NLRP7: variants seen among roughly 807,000 people sequenced by gnomAD.
The protein encoded by NLRP7 is NACHT, LRR and PYD domains-containing protein 7.
A neutral mutation model predicts 85.5 loss-of-function variants in NLRP7; 72 were observed. The ratio of observed to expected loss-of-function variants is 0.84; its 90% confidence interval spans 0.70 to 1.02. NLRP7 has a LOEUF of 1.02. NLRP7 is among the 50% of genes least tolerant of loss of function. The pLI, the probability that NLRP7 is intolerant of heterozygous loss-of-function variation, is 0.00. For missense variants in NLRP7, 1,243 were observed against 1,219.5 expected (o/e 1.02, Z -0.29); for synonymous variants, 550 against 505.2 (o/e 1.09, Z -1.19).
chr19:54,952,352 G>A (rs190714536), upstream of NLRP7, among the ~76,000 whole-genome samples: 70 of 152,076 alleles, frequency 4.6e-4, no homozygotes, highest in African/African-American at 1.6e-3. Flanking sequence ...CAGCACTTTG[G>A]GAGGCCAAGG....
exon 4 of NLRP7, chr19:54,939,158 T>C: frequency 6.2e-7 from 1 of 1,614,210 alleles, no homozygotes; most frequent in Non-Finnish European, 8.5e-7. Context: ...AAGATGTGCT[T>C]TGCATTGCAG....
intron 1 of NLRP7, among the ~76,000 whole-genome samples, chr19:54,962,431 C>T (rs1305703167): frequency 6.6e-6 from 1 of 151,064 alleles, no homozygotes; most frequent in African/African-American, 2.4e-5. Flanking sequence ...CTACGCCTGG[C>T]TAATTTTTTG....
rs556175510 is a variant in NLRP7 at position 54,930,751 on chromosome 19, C to A, written c.2643-85G>T. 43 of 1,106,464 alleles carry A rather than the reference C, an allele frequency of 3.9e-5. No homozygotes were observed. In the African/African-American group the frequency reaches 6.3e-4, roughly 16 times the overall value. 68.5% of individuals were successfully genotyped at this position (1,106,464 alleles called of 1,614,324 possible). ...AGTTATTTCCAACACTATATACCTT[C>A]CACTTATATACTGGAATGCAGTGCT... On this transcript the variant is annotated intron_variant, in intron 8 of 9. Coordinates refer to ENST00000340844, the Ensembl canonical transcript of NLRP7.
intron 6 of NLRP7, among the ~76,000 whole-genome samples, chr19:54,936,041 G>A (rs982082861): frequency 6.6e-6 from 1 of 152,204 alleles, no homozygotes; most frequent in Admixed American, 6.6e-5. Flanking sequence ...ACCCAGCACA[G>A]AATTCGGGGT....
intron 5 of NLRP7, among the ~76,000 whole-genome samples, chr19:54,937,753 C>T (rs998543219): frequency 2.0e-5 from 3 of 151,656 alleles, no homozygotes; most frequent in African/African-American, 7.3e-5. Flanking sequence ...CAAAATTAGC[C>T]GGGCAAGGTG....
chr19:54,933,794 C>T, intron 7 of NLRP7, 55 bp from the exon 8 acceptor site: 1 of 1,477,522 alleles, frequency 6.8e-7, no homozygotes. Context: ...ACAACTCCAA[C>T]CTGCTCAGTG....
chr19:54,930,389 AAGACCGAAGCCG>A, intron 9 of NLRP7, 98 bp downstream of exon 9: 1 of 757,138 alleles, frequency 1.3e-6, no homozygotes, highest in Non-Finnish European at 2.3e-6. Context: ...TCAAGCCTGG[AAGACCGAAGCCG>A]CAGTGAGCCG....
chr19:54,953,451 ATGTC>A (rs1405946456), intron 1 of NLRP7: 3 of 152,054 alleles, frequency 2.0e-5, no homozygotes, highest in Non-Finnish European at 2.9e-5. Context: ...TTTCTATACA[ATGTC>A]TGTAATCTAT....
exon 2 of NLRP7, chr19:54,941,584 C>A: frequency 6.2e-7 from 1 of 1,613,906 alleles, no homozygotes. Flanking sequence ...CACCTCAGAC[C>A]ATGGGGTCTT....
chr19:54,937,076 G>A (rs1460109399), intron 5 of NLRP7, among the ~76,000 whole-genome samples: 1 of 151,064 alleles, frequency 6.6e-6, no homozygotes, highest in Non-Finnish European at 1.5e-5. Context: ...AAACTAGCCG[G>A]GCGTGGTGGC....
chr19:54,944,742 G>A (rs1333707620), intron 1 of NLRP7, among the ~76,000 whole-genome samples: 3 of 151,924 alleles, frequency 2.0e-5, no homozygotes, highest in Non-Finnish European at 4.4e-5. Context: ...AGACCAGCCT[G>A]GGCGACACAA....
intron 1 of NLRP7, among the ~76,000 whole-genome samples, chr19:54,963,296 T>C (rs1014195350): frequency 6.6e-6 from 1 of 152,018 alleles, no homozygotes. Flanking sequence ...TAAGCTATGA[T>C]TGTGCCACTG....
intron 1 of NLRP7, among the ~76,000 whole-genome samples, chr19:54,944,833 A>G (rs1026389691): frequency 6.6e-6 from 1 of 152,148 alleles, no homozygotes; most frequent in African/African-American, 2.4e-5. Context: ...GCATGGAGCG[A>G]TGTTATATAT....
chr19:54,942,460 A>G (rs2069275587), intron 1 of NLRP7, among the ~76,000 whole-genome samples: 1 of 151,984 alleles, frequency 6.6e-6, no homozygotes, highest in Admixed American at 6.6e-5. Flanking sequence ...GCGGTGGCTC[A>G]CGCCTGTAAT....
At chr19:54,926,827 A>G (rs186515888) in intron 9 of NLRP7, among the ~76,000 whole-genome samples, 59 of 151,722 alleles carry the variant, frequency 3.9e-4, no homozygotes, top group African/African-American at 1.4e-3. Context: ...GAGGCAGGAG[A>G]ATCACTTGAA....
At chr19:54,941,732 T>G in exon 2 of NLRP7, 1 of 1,608,878 alleles carries the variant, frequency 6.2e-7, no homozygotes, top group South Asian at 1.1e-5. Context: ...GTATGAGACC[T>G]TAGGTTAAGG....
intron 1 of NLRP7, among the ~76,000 whole-genome samples, chr19:54,944,748 C>T: frequency 6.6e-6 from 1 of 151,186 alleles, no homozygotes; most frequent in East Asian, 2.0e-4. Context: ...GCCTGGGCGA[C>T]ACAAGGAGAC....
intron 1 of NLRP7, among the ~76,000 whole-genome samples, chr19:54,962,126 G>A (rs969463794): frequency 7.0e-6 from 1 of 143,096 alleles, no homozygotes; most frequent in Non-Finnish European, 1.5e-5. Flanking sequence ...TCGCGCCATT[G>A]CACTCCAGCC....
chr19:54,947,325 TC>T, intron 1 of NLRP7, 143 bp downstream of exon 1: 1 of 515,048 alleles, frequency 1.9e-6, no homozygotes, highest in South Asian at 1.8e-5. Flanking sequence ...AGACTCCGTC[TC>T]AAAAAAAAAA....
Sources: allele counts gnomAD v4.1 joint callset (sites outside exome capture counted in the v4.1 genomes callset), GRCh38; gene constraint gnomAD v4.1.1; transcripts MANE v1.5; gene names NCBI Gene and HGNC (gene_info 2026-07-23, HGNC 2026-07-21).